Variants in ROBO2 observed in about 807,000 individuals in gnomAD.
The protein encoded by ROBO2 is roundabout homolog 2.
ROBO2 carries 53 observed loss-of-function variants against 160.8 expected under a neutral mutation model. That is an observed-to-expected ratio of 0.33 (90% CI 0.26 to 0.41). The LOEUF (loss-of-function observed/expected upper bound fraction) is 0.41, where lower values mean the gene tolerates loss of function less well. ROBO2 is among the 10% of genes least tolerant of loss of function. The pLI is 1.00. For missense variants in ROBO2, 1,577 were observed against 1,722.4 expected (o/e 0.92, Z 1.49); for synonymous variants, 664 against 611.7 (o/e 1.09, Z -1.26).
intron 2 of ROBO2, among the ~76,000 whole-genome samples, chr3:76,093,173 G>A (rs567122361): frequency 3.9e-5 from 6 of 151,984 alleles, no homozygotes; most frequent in African/African-American, 1.2e-4. Flanking sequence ...TTATGTGAAT[G>A]ATACATATTT....
At chr3:76,058,610 T>TTG (rs2067943136) in intron 2 of ROBO2, among the ~76,000 whole-genome samples, 1 of 148,292 alleles carries the variant, frequency 6.7e-6, no homozygotes, top group African/African-American at 2.5e-5. Flanking sequence ...TTTTTTTTTT[T>TTG]TTTTGCTATT....
chr3:77,622,421 G>A (rs1276087155), exon 23 of ROBO2: 2 of 1,614,050 alleles, frequency 1.2e-6, no homozygotes, highest in Middle Eastern at 1.7e-4. Flanking sequence ...AATCTAGACA[G>A]CTCTGTGACA....
At chr3:77,050,310 ATCTTAAGTAT>A in intron 1 of ROBO2, among the ~76,000 whole-genome samples, 3 of 151,912 alleles carry the variant, frequency 2.0e-5, no homozygotes, top group African/African-American at 7.3e-5. Context: ...CACCTTCCTC[ATCTTAAGTAT>A]ATAACCGTTT....
At chr3:77,097,029 C>T (rs777473875) in intron 1 of ROBO2, among the ~76,000 whole-genome samples, 44 of 152,080 alleles carry the variant, frequency 2.9e-4, no homozygotes, top group Non-Finnish European at 4.9e-4. Context: ...AAGTATCTTT[C>T]GATTGTACAG....
At chr3:76,270,489 C>T (rs1343091567) in intron 2 of ROBO2, among the ~76,000 whole-genome samples, 1 of 152,048 alleles carries the variant, frequency 6.6e-6, no homozygotes, top group African/African-American at 2.4e-5. Flanking sequence ...GATTGCATTA[C>T]ACTATAAATG....
At chr3:76,108,618 C>T (rs1030100734) in intron 2 of ROBO2, among the ~76,000 whole-genome samples, 2 of 151,646 alleles carry the variant, frequency 1.3e-5, no homozygotes, top group Non-Finnish European at 2.9e-5. Flanking sequence ...CCCAAATTTT[C>T]CTCAATTCTT....
At chr3:77,025,420 A>G (rs1430356196) in intron 2 of ROBO2, among the ~76,000 whole-genome samples, 1 of 152,172 alleles carries the variant, frequency 6.6e-6, no homozygotes, top group Non-Finnish European at 1.5e-5. Flanking sequence ...CCTTGGTGTA[A>G]CAAATCCAAA....
intron 2 of ROBO2, among the ~76,000 whole-genome samples, chr3:77,174,813 G>A (rs147191731): frequency 4.4e-4 from 67 of 152,050 alleles, no homozygotes; most frequent in Non-Finnish European, 8.2e-4. Flanking sequence ...ACACAGGAGA[G>A]TATAGATAAA....
At chr3:77,440,716 CTT>C (rs765721025) in intron 2 of ROBO2, among the ~76,000 whole-genome samples, 1 of 152,094 alleles carries the variant, frequency 6.6e-6, no homozygotes, top group African/African-American at 2.4e-5. Flanking sequence ...TTTTATTCCT[CTT>C]TATTCATTCT....
At chr3:76,501,659 G>C (rs1391845386) in intron 2 of ROBO2, among the ~76,000 whole-genome samples, 1 of 152,144 alleles carries the variant, frequency 6.6e-6, no homozygotes, top group Non-Finnish European at 1.5e-5. Context: ...AGAATTCAGA[G>C]CCTGTATTTT....
chr3:77,242,091 G>A (rs1388145820), intron 2 of ROBO2, among the ~76,000 whole-genome samples: 7 of 152,276 alleles, frequency 4.6e-5, no homozygotes, highest in Admixed American at 2.0e-4. Flanking sequence ...GCACTCAGAT[G>A]CATGCTGAAA....
intron 1 of ROBO2, among the ~76,000 whole-genome samples, chr3:75,916,183 C>T (rs1426769691): frequency 6.6e-6 from 1 of 152,264 alleles, no homozygotes; most frequent in Middle Eastern, 3.4e-3. Flanking sequence ...CAGAATACAG[C>T]ACATTATTGT....
At chr3:76,250,591 G>T (rs1180078284) in intron 2 of ROBO2, among the ~76,000 whole-genome samples, 1 of 151,976 alleles carries the variant, frequency 6.6e-6, no homozygotes, top group East Asian at 1.9e-4. Context: ...TAAGGAGTAT[G>T]GCCTTGAACA....
chr3:76,250,235 C>CTATA lies in ROBO2; in HGVS notation c.109+312634_109+312637dup, dbSNP rs1705904266. On this transcript the variant is annotated intron_variant, in intron 2 of 26. Coordinates refer to the ROBO2 transcript ENST00000487694. ...TTCAAAACCAGGTGTGAATAAAAGT[C>CTATA]TATAACCCAGAATATTAGAAATCAC... Among the ~76,000 whole-genome samples, 2 of 152,034 alleles carry CTATA rather than the reference C, an allele frequency of 1.3e-5. 1 individual carries two copies. Among genetic ancestry groups the CTATA allele is most frequent in the South Asian group, 4.1e-4 (2 of 4,832 alleles).
chr3:76,372,365 A>G (rs1436685514), intron 2 of ROBO2, among the ~76,000 whole-genome samples: 2 of 151,906 alleles, frequency 1.3e-5, no homozygotes, highest in African/African-American at 4.8e-5. Context: ...ACCTAGTACA[A>G]TCTAGCTGAT....
intron 2 of ROBO2, among the ~76,000 whole-genome samples, chr3:76,989,278 A>G (rs1267719166): frequency 6.6e-6 from 1 of 152,190 alleles, no homozygotes; most frequent in East Asian, 1.9e-4. Context: ...CCACTTACCG[A>G]TTAGGAAAGT....
intron 2 of ROBO2, among the ~76,000 whole-genome samples, chr3:77,176,375 G>T (rs746945341): frequency 2.0e-5 from 3 of 151,964 alleles, no homozygotes; most frequent in Admixed American, 6.6e-5. Context: ...TGCATTCAGG[G>T]TCTGTGTGGA....
intron 2 of ROBO2, among the ~76,000 whole-genome samples, chr3:76,638,140 G>A (rs767910160): frequency 6.6e-6 from 1 of 152,088 alleles, no homozygotes; most frequent in Non-Finnish European, 1.5e-5. Flanking sequence ...AATGAATCCT[G>A]CCTAAATAAC....
intron 2 of ROBO2, among the ~76,000 whole-genome samples, chr3:76,883,781 A>G (rs757454373): frequency 3.9e-5 from 6 of 152,184 alleles, no homozygotes; most frequent in Admixed American, 6.5e-5. Flanking sequence ...TTAACTGTGG[A>G]ATTTGTGCTG....
Sources: allele counts gnomAD v4.1 joint callset (sites outside exome capture counted in the v4.1 genomes callset), GRCh38; gene constraint gnomAD v4.1.1; transcripts MANE v1.5; gene names NCBI Gene and HGNC (gene_info 2026-07-23, HGNC 2026-07-21).